Variants in TAB2 observed in about 807,000 individuals in gnomAD.
TAB2 encodes the protein TGF-beta-activated kinase 1 and MAP3K7-binding protein 2.
A neutral mutation model predicts 65.0 loss-of-function variants in TAB2; 3 were observed. The ratio of observed to expected loss-of-function variants is 0.05; its 90% CI spans 0.02 to 0.12. TAB2 has a LOEUF of 0.12. TAB2 is among the 10% of genes least tolerant of loss of function. The pLI is 1.00. For missense variants in TAB2, 623 were observed against 840.3 expected (o/e 0.74, Z 3.20); for synonymous variants, 298 against 285.1 (o/e 1.05, Z -0.46).
intron 1 of TAB2, among the ~76,000 whole-genome samples, chr6:149,341,945 A>G (rs1366811760): frequency 6.6e-6 from 1 of 152,128 alleles, no homozygotes; most frequent in Non-Finnish European, 1.5e-5. Context: ...AATAATCAAA[A>G]TAGTACAACA....
chr6:149,265,192 C>A (rs574009266), intron 1 of TAB2, among the ~76,000 whole-genome samples: 6 of 139,690 alleles, frequency 4.3e-5, no homozygotes, highest in African/African-American at 1.6e-4. Context: ...GTTCAGAACC[C>A]TTTTTTTTTT....
intron 1 of TAB2, among the ~76,000 whole-genome samples, chr6:149,268,220 TC>T (rs754316715): frequency 2.0e-5 from 3 of 152,186 alleles, no homozygotes; most frequent in Non-Finnish European, 2.9e-5. Context: ...AGGCTCCTTC[TC>T]GGTTGTTCTG....
intron 1 of TAB2, among the ~76,000 whole-genome samples, chr6:149,274,471 C>G (rs1356042738): frequency 6.6e-6 from 1 of 152,108 alleles, no homozygotes; most frequent in Non-Finnish European, 1.5e-5. Context: ...GTATTTTTCC[C>G]TTTCTACCCT....
intron 1 of TAB2, among the ~76,000 whole-genome samples, chr6:149,220,128 C>T (rs978785738): frequency 2.2e-4 from 34 of 152,174 alleles, no homozygotes; most frequent in African/African-American, 3.1e-4. Flanking sequence ...TAGAAGACAG[C>T]GTATGGGTTC....
At position 149,333,741 on chromosome 6, in the gene TAB2, G is replaced by GTGTGTGTGTGTGTGTGTGTGTGTGTGTC. The variant is rs1340808753; in HGVS notation, c.-90+15731_-90+15732insGTGTGTGTGTGTGTGTGTGTGTCTGTGT. ...TGTGTGTGTGTGTGTGTGTGTGTGTGTGTGTCTATGTGTCTGTGTGTACAG... is the reference window on the plus strand; with the variant it reads ...TGTGTGTGTGTGTGTGTGTGTGTGTGTGTGTGTGTGTGTGTGTGTGTGTGTGTCTGTGTCTATGTGTCTGTGTGTACAG... On this transcript the variant is annotated intron_variant, in intron 1 of 6. Coordinates refer to ENST00000637181, the MANE Select transcript of TAB2 (RefSeq NM_001292034.3). Among the ~76,000 whole-genome samples, 3 of 151,018 alleles carry GTGTGTGTGTGTGTGTGTGTGTGTGTGTC rather than the reference G, an allele frequency of 2.0e-5. No individual in the cohort carries two copies. In the East Asian group the frequency reaches 5.8e-4, roughly 29 times the overall value.
intron 6 of TAB2, 102 bp from the exon 7 acceptor site, chr6:149,409,475 A>G: frequency 1.9e-6 from 2 of 1,053,478 alleles, no homozygotes; most frequent in South Asian, 1.3e-5. Context: ...TTGGGGAGCA[A>G]GCTGCATCAG....
At chr6:149,254,275 G>A (rs1777958851) in intron 1 of TAB2, among the ~76,000 whole-genome samples, 1 of 152,230 alleles carries the variant, frequency 6.6e-6, no homozygotes, top group African/African-American at 2.4e-5. Context: ...CAGAGCTGTG[G>A]CAATCACAGG....
intron 1 of TAB2, chr6:149,243,212 A>G (rs1236114460): frequency 1.3e-5 from 2 of 152,262 alleles, no homozygotes; most frequent in East Asian, 3.8e-4. Flanking sequence ...GACTGCCAGC[A>G]CGGCCTCTGC....
chr6:149,314,473 T>C (rs918931562), upstream of TAB2, among the ~76,000 whole-genome samples: 1 of 152,236 alleles, frequency 6.6e-6, no homozygotes, highest in East Asian at 1.9e-4. Flanking sequence ...TTTTCTGCTA[T>C]GTGCATGTTT....
At chr6:149,294,706 G>T (rs1778844088) in intron 1 of TAB2, among the ~76,000 whole-genome samples, 1 of 152,116 alleles carries the variant, frequency 6.6e-6, no homozygotes, top group Admixed American at 6.5e-5. Flanking sequence ...CAAACAAATG[G>T]ATTACTTTAT....
chr6:149,382,925 G>A (rs1025398459), intron 3 of TAB2, among the ~76,000 whole-genome samples: 3 of 152,166 alleles, frequency 2.0e-5, no homozygotes, highest in Non-Finnish European at 2.9e-5. Flanking sequence ...AGACCGAGGC[G>A]GGTGGATCAC....
At chr6:149,334,951 A>G (rs997667943) in intron 1 of TAB2, among the ~76,000 whole-genome samples, 2 of 152,162 alleles carry the variant, frequency 1.3e-5, no homozygotes, top group Admixed American at 6.6e-5. Context: ...GTTTTGGACA[A>G]GGTGACTTTA....
intron 1 of TAB2, among the ~76,000 whole-genome samples, chr6:149,354,709 A>T (rs1239940765): frequency 6.6e-6 from 1 of 152,180 alleles, no homozygotes; most frequent in Admixed American, 6.5e-5. Flanking sequence ...AGAATACAGA[A>T]CACTGTTCTG....
At chr6:149,391,044 A>G (rs1477292754) in intron 3 of TAB2, among the ~76,000 whole-genome samples, 1 of 152,190 alleles carries the variant, frequency 6.6e-6, no homozygotes, top group African/African-American at 2.4e-5. Flanking sequence ...TCAATTTGCT[A>G]GAACATGTCT....
chr6:149,330,600 A>C (rs1006466688), intron 1 of TAB2, among the ~76,000 whole-genome samples: 1 of 152,158 alleles, frequency 6.6e-6, no homozygotes, highest in Non-Finnish European at 1.5e-5. Context: ...AATGTGTTCA[A>C]GTCTTTTGCT....
chr6:149,364,095 T>C (rs1780958213), intron 1 of TAB2, among the ~76,000 whole-genome samples: 1 of 152,176 alleles, frequency 6.6e-6, no homozygotes, highest in Admixed American at 6.5e-5. Context: ...TCCATTGCTA[T>C]CCACAGTACA....
At chr6:149,377,761 TC>T (rs1781451798) in intron 2 of TAB2, among the ~76,000 whole-genome samples, 1 of 152,212 alleles carries the variant, frequency 6.6e-6, no homozygotes, top group African/African-American at 2.4e-5. Flanking sequence ...TCCATTTTAC[TC>T]CTCGTATCCA....
intron 1 of TAB2, among the ~76,000 whole-genome samples, chr6:149,241,103 C>A (rs1358343527): frequency 6.6e-6 from 1 of 152,128 alleles, no homozygotes; most frequent in East Asian, 1.9e-4. Context: ...AAGAAGGTTT[C>A]CACCTACACA....
intron 1 of TAB2, among the ~76,000 whole-genome samples, chr6:149,368,661 G>GTC (rs1554262500): frequency 4.6e-5 from 7 of 151,878 alleles, no homozygotes; most frequent in Non-Finnish European, 1.0e-4. Context: ...GTGTGTGTGT[G>GTC]TGTGTGTGTG....
Sources: gnomAD v4.1 joint callset for allele counts (sites outside exome capture counted in the v4.1 genomes callset) on GRCh38, gnomAD v4.1.1 for gene constraint, MANE v1.5 for transcripts, NCBI Gene and HGNC (gene_info 2026-07-23, HGNC 2026-07-21) for gene names.